PSG2: variants seen among roughly 807,000 people sequenced by gnomAD.
PSG2 encodes the protein pregnancy specific beta-1-glycoprotein 2, also known as pregnancy-specific beta-1-glycoprotein 2.
PSG2 carries 49 observed loss-of-function variants against 36.2 expected under a neutral mutation model. The ratio of observed to expected loss-of-function variants is 1.35; its 90% CI spans 1.08 to 1.72. The LOEUF is 1.72. Ranked by LOEUF, PSG2 falls within the 40% of genes most tolerant of loss-of-function variation. PSG2 has a pLI of 0.00. For missense variants in PSG2, 605 were observed against 407.2 expected (o/e 1.49, Z -4.18); for synonymous variants, 261 against 155.6 (o/e 1.68, Z -5.04).
At chr19:43,082,296 A>G (rs1470955047) in intron 1 of PSG2, 2 of 702,890 alleles carry the variant, frequency 2.8e-6, no homozygotes, top group Non-Finnish European at 4.4e-6. Context: ...ACACACGACA[A>G]TACCTGGTTA....
intron 4 of PSG2, 48 bp downstream of exon 4, chr19:43,071,652 T>G (rs368428763): frequency 8.1e-6 from 13 of 1,612,484 alleles, no homozygotes; most frequent in Admixed American, 3.3e-5. Context: ...GAAAGCCAGA[T>G]AGACTCCACC....
At chr19:43,076,743 C>G (rs974683628) in intron 2 of PSG2, among the ~76,000 whole-genome samples, 5 of 151,600 alleles carry the variant, frequency 3.3e-5, no homozygotes, top group African/African-American at 4.9e-5. Context: ...CTAGAGATCT[C>G]CTGTACAGCC....
At chr19:43,082,122 C>CTCTTTTTTT (rs1967987456) in intron 1 of PSG2, 1 of 67,984 alleles carries the variant, frequency 1.5e-5, no homozygotes. Context: ...TTTCTTCTCT[C>CTCTTTTTTT]TTTTTTTTTT....
intron 1 of PSG2, among the ~76,000 whole-genome samples, chr19:43,081,626 T>C (rs751923010): frequency 3.3e-5 from 5 of 151,574 alleles, no homozygotes; most frequent in Non-Finnish European, 5.9e-5. Context: ...GGTCTTCCCT[T>C]TCTGACCTTT....
chr19:43,078,217 T>C (rs1967924240), intron 2 of PSG2, among the ~76,000 whole-genome samples: 1 of 151,738 alleles, frequency 6.6e-6, no homozygotes, highest in South Asian at 2.1e-4. Context: ...TGGTTTAATT[T>C]TGAAGCAAGA....
At position 43,080,628 on chromosome 19, in the gene PSG2, C is replaced by T. The variant is rs549780001; in HGVS notation, c.430+253G>A. On this transcript the variant is annotated intron_variant, in intron 2 of 5. Coordinates refer to ENST00000406487, the MANE Select transcript of PSG2 (RefSeq NM_031246.4). ...TGAGGTGCTTGGCTGAGACTGATCT[C>T]CTCCTGCTGAGTCCCCCCATCAGAC... 2.5e-3 allele frequency among the ~76,000 whole-genome samples: 374 copies of T among 151,698 alleles called. 6 individuals carry two copies. The highest frequency in any genetic ancestry group is 9.0e-3 in the African/African-American group (369 of 41,128).
intron 2 of PSG2, among the ~76,000 whole-genome samples, chr19:43,078,405 T>G (rs1452636519): frequency 6.6e-6 from 1 of 151,722 alleles, no homozygotes; most frequent in South Asian, 2.1e-4. Flanking sequence ...GTTGACAAAA[T>G]TTGTAACTAA....
rs1967882950 is a variant in PSG2, at chr19:43,075,554, T to A, written c.509A>T (p.Asp170Val). Residue 170 changes from aspartate to valine, a missense_variant, in exon 3 of 6, where the codon GAT becomes GTT. Coordinates refer to ENST00000406487, the MANE Select transcript of PSG2 (RefSeq NM_031246.4). ...EAMETVILTC[D>V]PETPDTSYQW... ...GTAGCTTGTGTCCGGAGTCTCAGGA[T>A]CACAGGTTAAGATCACAGTTTCCAT... 2 of 1,613,182 alleles carry A rather than the reference T, an allele frequency of 1.2e-6. No individual in the cohort carries two copies. The highest frequency in any genetic ancestry group is 2.7e-5 in the African/African-American group (2 of 74,460).
In PSG2 at chr19:43,082,522, C is replaced by T. The variant is rs747517642; in HGVS notation, c.48G>A (p.Lys16=). 4.3e-5 allele frequency: 69 copies of T among 1,611,964 alleles called. No homozygotes were observed. The highest frequency in any genetic ancestry group is 4.2e-6 in the Non-Finnish European group (5 of 1,179,102). ...APPCTEHIKW[K]GLLVTASLLN... ...TCTCCTCACCTGTGACCAGGAGCCC[C>T]TTCCATTTGATGTGCTCTGTGCAGG... is the stretch of plus-strand genomic sequence containing the variant. Residue 16 remains lysine (K), a synonymous_variant, in exon 1 of 6, where the codon AAG becomes AAA. Transcript: ENST00000406487.
intron 2 of PSG2, among the ~76,000 whole-genome samples, chr19:43,077,926 T>C (rs1297133873): frequency 6.6e-6 from 1 of 151,698 alleles, no homozygotes; most frequent in East Asian, 1.9e-4. Flanking sequence ...AAGCTTGTTA[T>C]ATGCCTGACC....
rs1021645362 is a variant in PSG2 at position 43,079,342 on chromosome 19, T to G, written c.430+1539A>C. ...GCTTCAGAGTTACATGAGGTGGGGTTGCTTTAGGGGCAAGAGGTAGTGGGG... is the reference window on the plus strand; with the variant it reads ...GCTTCAGAGTTACATGAGGTGGGGTGGCTTTAGGGGCAAGAGGTAGTGGGG... On this transcript the variant is annotated intron_variant, in intron 2 of 5. Coordinates refer to ENST00000406487, the MANE Select transcript of PSG2 (RefSeq NM_031246.4). Among the ~76,000 whole-genome samples, 74 of 151,534 alleles carry G rather than the reference T, an allele frequency of 4.9e-4. 1 individual carries two copies. The highest frequency in any genetic ancestry group is 1.5e-3 in the East Asian group (8 of 5,170).
chr19:43,081,175 A>G lies in PSG2; in HGVS notation c.136T>C (p.Ser46Pro), dbSNP rs746465257. Reference protein sequence around the residue: ...VTIEAQPPKVSEGKDVLLLVH... With the variant: ...VTIEAQPPKVPEGKDVLLLVH... ...AGTAGAAGAACATCCTTCCCCTCGG[A>G]AACTTTTGGTGGCTGGGCTTCAATC... Residue 46 changes from serine (S) to proline (P), a missense_variant, in exon 2 of 6, where the codon TCC becomes CCC. Coordinates refer to ENST00000406487, the MANE Select transcript of PSG2 (RefSeq NM_031246.4). The G allele has an allele frequency of 6.8e-6, 11 of 1,612,590 alleles. No homozygotes were observed. In the South Asian group the frequency reaches 1.1e-4, roughly 16 times the overall value.
chr19:43,066,577 G>T lies in PSG2; in HGVS notation c.988C>A (p.Pro330Thr). ...AGCTGCTATGTTGGATTAAGGAGAG[G>T]AAGAAGTCCTATTCTTGTAGAAGCT... ...VSASTRIGLL[P>T]LLNPT The change falls in exon 5 of 6, where the codon CCT becomes ACT. Residue 330 changes from proline to threonine, a missense_variant. Coordinates refer to ENST00000406487, the MANE Select transcript of PSG2 (RefSeq NM_031246.4). The T allele has an allele frequency of 6.2e-7, 1 of 1,602,206 alleles. No homozygotes were observed. Among genetic ancestry groups the T allele is most frequent in the Non-Finnish European group, 8.5e-7 (1 of 1,169,914 alleles).
At position 43,080,854 on chromosome 19, in the gene PSG2, A is replaced by C. The variant is rs375760320; in HGVS notation, c.430+27T>G. On this transcript the variant is annotated intron_variant, in intron 2 of 5. Transcript: ENST00000406487. Reference sequence around the variant, plus strand: ...GTAGAAATGACCCCTGTCCCCCAACACCCAGGGATCATGTGGAATCACTTA... The same window carrying C: ...GTAGAAATGACCCCTGTCCCCCAACCCCCAGGGATCATGTGGAATCACTTA... 9.3e-4 allele frequency: 1,491 copies of C among 1,611,758 alleles called. 18 individuals are homozygous for C. The highest frequency in any genetic ancestry group is 1.2e-3 in the Non-Finnish European group (1,419 of 1,178,962).
At chr19:43,071,346 GAAA>G in intron 4 of PSG2, among the ~76,000 whole-genome samples, 1 of 151,140 alleles carries the variant, frequency 6.6e-6, no homozygotes, top group South Asian at 2.1e-4. Flanking sequence ...ATAGGTACAA[GAAA>G]AAAAAGACGT....
At chr19:43,082,309 T>G in intron 1 of PSG2, 197 bp downstream of exon 1, 1 of 794,612 alleles carries the variant, frequency 1.3e-6, no homozygotes, top group East Asian at 3.1e-5. Flanking sequence ...CCTGGTTAAT[T>G]TTTTGTATTT....
At position 43,064,519 on chromosome 19, in the gene PSG2, A is replaced by G. The variant is rs1785704004; in HGVS notation, c.*123T>C. On this transcript the variant is annotated 3_prime_UTR_variant, in exon 6 of 6. Coordinates refer to ENST00000406487, the MANE Select transcript of PSG2 (RefSeq NM_031246.4). Reference sequence around the variant, plus strand: ...TCAGCCTGTTCATTAAAATTTTGAAAGTTCTTAGTCCAGTGGTATGATCTT... The same window carrying G: ...TCAGCCTGTTCATTAAAATTTTGAAGGTTCTTAGTCCAGTGGTATGATCTT... 1 of 595,312 alleles carries G rather than the reference A, an allele frequency of 1.7e-6. No homozygotes were observed. The highest frequency in any genetic ancestry group is 3.1e-6 in the Non-Finnish European group (1 of 324,012). 36.9% of individuals were successfully genotyped at this position (595,312 alleles called of 1,614,324 possible).
chr19:43,074,313 C>T (rs1323059948), intron 3 of PSG2, among the ~76,000 whole-genome samples: 2 of 151,636 alleles, frequency 1.3e-5, no homozygotes, highest in Non-Finnish European at 2.9e-5. Context: ...AATATTGAGT[C>T]TTCCAATCCA....
At position 43,071,877 on chromosome 19, in the gene PSG2, C is replaced by G. The variant is rs112235686; in HGVS notation, c.787G>C (p.Ala263Pro). 1 of 1,612,872 alleles carries G rather than the reference C, an allele frequency of 6.2e-7. No homozygotes were observed. The highest frequency in any genetic ancestry group is 2.2e-5 in the East Asian group (1 of 44,870). The change falls in exon 4 of 6, where the codon GCG (alanine) becomes CCG (proline). Residue 263 changes from alanine to proline, a missense_variant. Transcript: ENST00000406487. Reference sequence around the variant, plus strand: ...TACTGTGCCGGTGGGTTAGAGTTCGCGAAGCAAGACAAGTAGAGGTTATCT... The same window carrying G: ...TACTGTGCCGGTGGGTTAGAGTTCGGGAAGCAAGACAAGTAGAGGTTATCT... ...SGDNLYLSCF[A>P]NSNPPAQYSW...
Sources: allele counts gnomAD v4.1 joint callset (sites outside exome capture counted in the v4.1 genomes callset), GRCh38; gene constraint gnomAD v4.1.1; transcripts MANE v1.5; gene names NCBI Gene and HGNC (gene_info 2026-07-23, HGNC 2026-07-21).